Variants in FMN2 observed in about 807,000 individuals in gnomAD.
The protein encoded by FMN2 is formin 2, also known as formin-2.
Under a neutral mutation model 142.3 loss-of-function variants are expected in FMN2, and 51 were observed. That is an observed-to-expected ratio of 0.36 (90% CI 0.29 to 0.45). The LOEUF (loss-of-function observed/expected upper bound fraction) is 0.45. FMN2 is among the 20% of genes least tolerant of loss of function. The pLI, the probability that FMN2 is intolerant of heterozygous loss-of-function variation, is 1.00. For missense variants in FMN2, 1,936 were observed against 2,122.8 expected, an observed-to-expected ratio of 0.91 and a Z score of 1.73; for synonymous variants, 882 against 869.8, an observed-to-expected ratio of 1.01 and a Z score of -0.25.
chr1:240,206,864 G>A lies in FMN2; in HGVS notation c.2052G>A (p.Glu684=). 6.2e-7 allele frequency: 1 copy of A among 1,614,140 alleles called. No homozygotes were observed. The highest frequency in any genetic ancestry group is 8.5e-7 in the Non-Finnish European group (1 of 1,179,998). Residue 684 remains glutamate, a synonymous_variant, in exon 5 of 18, where the codon GAG becomes GAA. Coordinates refer to ENST00000319653, the MANE Select transcript of FMN2 (RefSeq NM_020066.5). ...TVIQQLEQTI[E]DLRTKIAELE... Reference sequence around the variant, plus strand: ...TTCAGCAGCTGGAACAGACTATTGAGGATCTGAGAACCAAAATAGCTGAAC... The same window carrying A: ...TTCAGCAGCTGGAACAGACTATTGAAGATCTGAGAACCAAAATAGCTGAAC...
In FMN2 at chr1:240,334,115, G is replaced by A; in HGVS notation, c.4651G>A (p.Gly1551Arg). 1.3e-6 allele frequency: 2 copies of A among 1,594,104 alleles called. No homozygotes were observed. Among genetic ancestry groups the A allele is most frequent in the Non-Finnish European group, 1.7e-6 (2 of 1,174,816 alleles). Residue 1551 changes from glycine (G) to arginine (R), a missense_variant, in exon 13 of 18, where the codon GGA becomes AGA. Physicochemically the swap from Gly to Arg is moderately radical, Grantham distance 125 (BLOSUM62 -2). Around this residue, in one of 8 missense-constraint regions of FMN2, gnomAD observed 322 missense variants for 401.6 expected, o/e 0.80. Transcript: ENST00000319653. The part of the protein sequence containing the change: ...YYLRNFDEDA[G>R]KEQCLFPLPE... ...GGGGTTTTTTGTTCATTAGGATGCT[G>A]GAAAAGAACAGTGCCTCTTTCCACT...
chr1:240,406,588 C>T (rs1006590195), intron 15 of FMN2, among the ~76,000 whole-genome samples: 4 of 152,126 alleles, frequency 2.6e-5, no homozygotes, highest in African/African-American at 9.7e-5. Context: ...GGCAATGGAA[C>T]GGTGCGTGGC....
At chr1:240,339,459 C>T (rs1330919059) in intron 13 of FMN2, among the ~76,000 whole-genome samples, 1 of 151,748 alleles carries the variant, frequency 6.6e-6, no homozygotes, top group South Asian at 2.1e-4. Context: ...CAAGCATCCA[C>T]TGGGGATCTA....
At chr1:240,213,342 A>G (rs1372064336) in intron 6 of FMN2, among the ~76,000 whole-genome samples, 1 of 152,180 alleles carries the variant, frequency 6.6e-6, no homozygotes, top group Non-Finnish European at 1.5e-5. Flanking sequence ...AAACCTATTC[A>G]GCAACTCCTT....
chr1:240,367,543 T>A (rs6681997), intron 14 of FMN2, among the ~76,000 whole-genome samples: 2 of 151,776 alleles, frequency 1.3e-5, no homozygotes, highest in Non-Finnish European at 2.9e-5. Flanking sequence ...CCAAGGTGGG[T>A]GGATCACGAG....
intron 2 of FMN2, among the ~76,000 whole-genome samples, chr1:240,160,640 A>G (rs79604293): frequency 0.045 from 6,784 of 151,998 alleles, 506 homozygotes; most frequent in African/African-American, 0.16. Context: ...ATTATAAGAA[A>G]TCTACAGCAA....
At chr1:240,404,403 G>T (rs1288913872) in intron 15 of FMN2, among the ~76,000 whole-genome samples, 2 of 152,186 alleles carry the variant, frequency 1.3e-5, no homozygotes, top group African/African-American at 4.8e-5. Flanking sequence ...GCTTAGGCTG[G>T]CCGACCAGGC....
intron 2 of FMN2, chr1:240,143,457 G>C: frequency 6.7e-7 from 1 of 1,492,128 alleles, no homozygotes; most frequent in Non-Finnish European, 9.3e-7. Flanking sequence ...TGTCAGCAGG[G>C]GTTTCCTTTT....
chr1:240,429,949 G>C (rs764459925), intron 15 of FMN2, among the ~76,000 whole-genome samples: 17 of 150,202 alleles, frequency 1.1e-4, no homozygotes, highest in Non-Finnish European at 1.6e-4. Flanking sequence ...GCAGTGGTGC[G>C]ATCTCAGCTC....
rs541681427 is a variant in FMN2 at position 240,134,831 on chromosome 1, A to G, written c.1782+11486A>G. Reference sequence around the variant, plus strand: ...TTTACTTAATTTTACTGCTATAATTACCACATTCCTTCACCAACCCTCATG... The same window carrying G: ...TTTACTTAATTTTACTGCTATAATTGCCACATTCCTTCACCAACCCTCATG... On this transcript the variant is annotated intron_variant, in intron 2 of 17. Transcript: ENST00000319653. Among the ~76,000 whole-genome samples, 7 of 152,270 alleles carry G rather than the reference A, an allele frequency of 4.6e-5. No individual in the cohort carries two copies. In the South Asian group the frequency reaches 1.5e-3, roughly 32 times the overall value.
chr1:240,290,173 TAAAATC>T (rs1270513727), intron 7 of FMN2, among the ~76,000 whole-genome samples: 2 of 152,216 alleles, frequency 1.3e-5, no homozygotes, highest in South Asian at 2.1e-4. Context: ...ATCAAAATCT[TAAAATC>T]AAAAGAAAAC....
chr1:240,451,100 G>T (rs1054740170), intron 16 of FMN2, among the ~76,000 whole-genome samples: 50 of 152,142 alleles, frequency 3.3e-4, no homozygotes, highest in African/African-American at 1.1e-3. Flanking sequence ...GGGCGCAGTG[G>T]CTCACGCCTG....
At chr1:240,357,362 T>C (rs960388463) in intron 14 of FMN2, among the ~76,000 whole-genome samples, 3 of 152,234 alleles carry the variant, frequency 2.0e-5, no homozygotes, top group African/African-American at 7.2e-5. Context: ...GACCAGGCAT[T>C]GAGACTAGTG....
intron 2 of FMN2, among the ~76,000 whole-genome samples, chr1:240,153,037 G>A (rs887033604): frequency 6.6e-6 from 1 of 152,168 alleles, no homozygotes. Context: ...AAAATATCAG[G>A]CACTTATGTA....
chr1:240,232,811 A>G (rs1312009410), intron 6 of FMN2, among the ~76,000 whole-genome samples: 5 of 152,286 alleles, frequency 3.3e-5, no homozygotes, highest in Middle Eastern at 3.4e-3. Context: ...TTCCTTCCTT[A>G]TAATAGTCTA....
At chr1:240,256,708 G>A (rs113203731) in intron 6 of FMN2, among the ~76,000 whole-genome samples, 4,188 of 152,096 alleles carry the variant, frequency 0.028, 186 homozygotes, top group African/African-American at 0.096. Flanking sequence ...CCGAGATCGT[G>A]CCACTGCACT....
At chr1:240,458,348 T>G (rs1005087702) in intron 16 of FMN2, 1 of 152,182 alleles carries the variant, frequency 6.6e-6, no homozygotes, top group Non-Finnish European at 1.5e-5. Context: ...TATTATGATA[T>G]AAATAGCTTT....
intron 12 of FMN2, 32 bp from the exon 13 acceptor site, chr1:240,334,077 C>A (rs1671476481): frequency 6.4e-7 from 1 of 1,574,084 alleles, no homozygotes; most frequent in East Asian, 2.3e-5. Context: ...TAACCAATTT[C>A]TTTAAATATG....
chr1:240,216,589 A>G (rs1666905690), intron 6 of FMN2, among the ~76,000 whole-genome samples: 1 of 152,224 alleles, frequency 6.6e-6, no homozygotes, highest in Non-Finnish European at 1.5e-5. Flanking sequence ...GCTACTTATT[A>G]TAAGGGCAGG....
Sources: allele counts gnomAD v4.1 joint callset (sites outside exome capture counted in the v4.1 genomes callset), GRCh38; gene constraint gnomAD v4.1.1; regional missense constraint gnomAD v4.1.1; transcripts MANE v1.5; gene names NCBI Gene and HGNC (gene_info 2026-07-23, HGNC 2026-07-21).